The following PRPSAP2 variants were observed in gnomAD, a reference collection of about 807,000 sequenced individuals.
PRPSAP2 encodes the protein phosphoribosyl pyrophosphate synthase-associated protein 2.
PRPSAP2 carries 24 observed loss-of-function variants against 40.6 expected under a neutral mutation model. The ratio of observed to expected loss-of-function variants is 0.59; its 90% CI spans 0.43 to 0.83. PRPSAP2 has a LOEUF of 0.83. PRPSAP2 is among the 40% of genes least tolerant of loss of function. The pLI is 0.00. For synonymous variants in PRPSAP2, 149 were observed against 164.7 expected, an observed-to-expected ratio of 0.90 and a Z score of 0.73; for missense variants, 292 against 465.6, an observed-to-expected ratio of 0.63 and a Z score of 3.43.
At chr17:18,875,726 C>T (rs1379493914) in intron 5 of PRPSAP2, among the ~76,000 whole-genome samples, 5 of 151,564 alleles carry the variant, frequency 3.3e-5, no homozygotes, top group Non-Finnish European at 7.4e-5. Flanking sequence ...TGGTGATATG[C>T]GCTTCTAATT....
chr17:18,910,570 TGTG>T (rs1238144493), intron 8 of PRPSAP2, among the ~76,000 whole-genome samples: 2 of 152,080 alleles, frequency 1.3e-5, no homozygotes, highest in Non-Finnish European at 2.9e-5. Context: ...AGGAGATGCT[TGTG>T]GTGATGACGT....
intron 9 of PRPSAP2, among the ~76,000 whole-genome samples, chr17:18,921,716 T>C (rs2041700370): frequency 6.6e-6 from 1 of 152,158 alleles, no homozygotes; most frequent in Non-Finnish European, 1.5e-5. Flanking sequence ...CGTAGGGTGG[T>C]CCCTTGCAGC....
chr17:18,870,603 G>A (rs1329968314), intron 4 of PRPSAP2, among the ~76,000 whole-genome samples: 1 of 151,972 alleles, frequency 6.6e-6, no homozygotes, highest in East Asian at 1.9e-4. Flanking sequence ...GAGACCAGAA[G>A]TTTGAGACCA....
At chr17:18,883,248 TG>T (rs1275805056) in intron 7 of PRPSAP2, among the ~76,000 whole-genome samples, 4 of 152,214 alleles carry the variant, frequency 2.6e-5, no homozygotes, top group African/African-American at 7.2e-5. Context: ...TTACCACCCT[TG>T]AATCCTGGGA....
chr17:18,871,181 A>G (rs1405038957), intron 4 of PRPSAP2, among the ~76,000 whole-genome samples: 1 of 151,892 alleles, frequency 6.6e-6, no homozygotes, highest in Non-Finnish European at 1.5e-5. Context: ...CACCAAGCCC[A>G]GCTAATGTTT....
intron 5 of PRPSAP2, 27 bp from the exon 6 acceptor site, chr17:18,877,668 TTGA>T: frequency 6.3e-7 from 1 of 1,582,572 alleles, no homozygotes; most frequent in Non-Finnish European, 8.6e-7. Flanking sequence ...TGTAGATCCC[TTGA>T]TGAGATTTGC....
intron 8 of PRPSAP2, chr17:18,908,807 A>G: frequency 2.8e-6 from 2 of 722,930 alleles, no homozygotes; most frequent in Non-Finnish European, 5.1e-6. Flanking sequence ...GTGGCGGAAA[A>G]GCTAGAAGCT....
At chr17:18,913,541 CT>C (rs35697920) in intron 9 of PRPSAP2, among the ~76,000 whole-genome samples, 504 of 73,934 alleles carry the variant, frequency 6.8e-3, no homozygotes, top group Middle Eastern at 0.015. Flanking sequence ...GCGTCTGGTT[CT>C]TTTTTTTTTT....
At chr17:18,927,934 A>T (rs896834590) in intron 10 of PRPSAP2, among the ~76,000 whole-genome samples, 5 of 152,034 alleles carry the variant, frequency 3.3e-5, no homozygotes, top group Non-Finnish European at 5.9e-5. Context: ...GCGTACCTCC[A>T]TGCATGGCTA....
At chr17:18,890,000 G>A in intron 8 of PRPSAP2, 123 bp downstream of exon 8, 2 of 702,356 alleles carry the variant, frequency 2.8e-6, no homozygotes, top group East Asian at 6.1e-5. Flanking sequence ...TTTCTTCCAT[G>A]GACTGGTATT....
chr17:18,914,136 G>A (rs2041143395), intron 9 of PRPSAP2, among the ~76,000 whole-genome samples: 1 of 150,128 alleles, frequency 6.7e-6, no homozygotes, highest in Admixed American at 6.7e-5. Context: ...ATCCAAGACT[G>A]TGCCACCGTA....
intron 8 of PRPSAP2, among the ~76,000 whole-genome samples, chr17:18,896,022 G>T (rs867672471): frequency 2.6e-4 from 40 of 151,896 alleles, no homozygotes; most frequent in African/African-American, 9.2e-4. Flanking sequence ...TTCCTGCCTT[G>T]GGCCTCCTGA....
At chr17:18,876,115 A>G (rs2038283159) in intron 5 of PRPSAP2, among the ~76,000 whole-genome samples, 1 of 152,200 alleles carries the variant, frequency 6.6e-6, no homozygotes, top group African/African-American at 2.4e-5. Flanking sequence ...CCTGGGCAAC[A>G]AGAGCAGAAC....
chr17:18,867,952 A>T (rs1011538795), intron 4 of PRPSAP2, among the ~76,000 whole-genome samples: 2 of 151,954 alleles, frequency 1.3e-5, no homozygotes, highest in Non-Finnish European at 2.9e-5. Context: ...CCTGGGCAAC[A>T]CGGCAAAACC....
chr17:18,856,404 G>C (rs536395437), upstream of PRPSAP2: 3 of 152,324 alleles, frequency 2.0e-5, no homozygotes, highest in South Asian at 6.2e-4. Flanking sequence ...CCCAGCCGAG[G>C]TACCGCTGAA....
intron 9 of PRPSAP2, among the ~76,000 whole-genome samples, chr17:18,915,662 C>G (rs2041263849): frequency 1.3e-5 from 2 of 152,172 alleles, no homozygotes; most frequent in Non-Finnish European, 1.5e-5. Context: ...AAGCCAAACT[C>G]ATTTTTATAA....
intron 3 of PRPSAP2, 89 bp from the exon 4 acceptor site, chr17:18,867,193 T>G: frequency 1.6e-6 from 2 of 1,250,962 alleles, no homozygotes; most frequent in South Asian, 1.3e-5. Context: ...TTTATTTTAC[T>G]CTTATCGATT....
At chr17:18,884,575 A>C (rs1237929860) in intron 7 of PRPSAP2, among the ~76,000 whole-genome samples, 1 of 152,118 alleles carries the variant, frequency 6.6e-6, no homozygotes, top group Non-Finnish European at 1.5e-5. Flanking sequence ...CCTGGCCTCA[A>C]GCGATCCTCC....
chr17:18,928,782 T>A, intron 10 of PRPSAP2, 29 bp from the exon 11 acceptor site: 1 of 1,612,098 alleles, frequency 6.2e-7, no homozygotes, highest in Non-Finnish European at 8.5e-7. Flanking sequence ...AGTGCTCATA[T>A]ACATTCTTTT....
Sources: allele counts gnomAD v4.1 joint callset (sites outside exome capture counted in the v4.1 genomes callset), GRCh38; gene constraint gnomAD v4.1.1; transcripts MANE v1.5; gene names NCBI Gene and HGNC (gene_info 2026-07-23, HGNC 2026-07-21).